Variants in MYO5B observed in about 807,000 individuals in gnomAD.
MYO5B encodes myosin VB.
Under a neutral mutation model 229.3 loss-of-function variants are expected in MYO5B, and 143 were observed. That is an observed-to-expected ratio of 0.62 (90% CI 0.54 to 0.72). The LOEUF (loss-of-function observed/expected upper bound fraction) is 0.72, where lower values mean the gene tolerates loss of function less well. Among genes scored for constraint, MYO5B ranks in the 30% least tolerant of loss-of-function variants. MYO5B has a pLI of 0.00. For synonymous variants in MYO5B, 918 were observed against 885.2 expected, an observed-to-expected ratio of 1.04 and a Z score of -0.66; for missense variants, 2,321 against 2,331.0, an observed-to-expected ratio of 1.00 and a Z score of 0.09.
chr18:50,065,771 G>A (rs879711477), intron 1 of MYO5B, among the ~76,000 whole-genome samples: 1 of 152,154 alleles, frequency 6.6e-6, no homozygotes, highest in Admixed American at 6.5e-5. Context: ...TGTGACAGGG[G>A]ACCCAACCCA....
At chr18:50,108,262 A>G (rs1474813078) in intron 1 of MYO5B, among the ~76,000 whole-genome samples, 2 of 152,176 alleles carry the variant, frequency 1.3e-5, no homozygotes, top group African/African-American at 4.8e-5. Flanking sequence ...TTAACCACCT[A>G]TGTAAGAATC....
intron 39 of MYO5B, among the ~76,000 whole-genome samples, chr18:49,831,184 A>G (rs1190016799): frequency 6.6e-6 from 1 of 152,218 alleles, no homozygotes; most frequent in African/African-American, 2.4e-5. Flanking sequence ...CTAAATCTGC[A>G]AAGCTCTTAG....
intron 1 of MYO5B, among the ~76,000 whole-genome samples, chr18:50,091,272 A>G (rs1171857518): frequency 2.0e-5 from 3 of 152,222 alleles, no homozygotes; most frequent in African/African-American, 7.2e-5. Context: ...CTGCGTATTT[A>G]CTAACATCAA....
At chr18:50,143,142 C>T (rs1555663025) in intron 1 of MYO5B, among the ~76,000 whole-genome samples, 1 of 152,182 alleles carries the variant, frequency 6.6e-6, no homozygotes, top group Non-Finnish European at 1.5e-5. Context: ...ATCAAAGTAA[C>T]TGTATCTAAC....
Position 49,849,757 on chromosome 18 carries a change from C to T in MYO5B, c.4222-97G>A, listed in dbSNP as rs1403578359. On this transcript the variant is annotated intron_variant, in intron 31 of 39. Coordinates refer to ENST00000285039, the MANE Select transcript of MYO5B (RefSeq NM_001080467.3). ...GCAGTTGGAGGTGACCAGTGCGGCC[C>T]ATGGGCAGCCGTCAGAAATGCGCCA... 1.6e-5 allele frequency: 15 copies of T among 947,118 alleles called. No individual in the cohort carries two copies. The Middle Eastern group carries it at 9.4e-4, about 59-fold the overall frequency. 58.7% of individuals were successfully genotyped at this position (947,118 alleles called of 1,614,324 possible). A position where few individuals can be genotyped will look rare whatever the true frequency, so the allele number is the denominator to read the frequency against.
chr18:50,107,010 G>A (rs546466502), intron 1 of MYO5B, among the ~76,000 whole-genome samples: 1 of 151,028 alleles, frequency 6.6e-6, no homozygotes, highest in Non-Finnish European at 1.5e-5. Flanking sequence ...CAGACAATGA[G>A]GATTAGTTAT....
chr18:49,842,788 T>A (rs1424311823), intron 34 of MYO5B, among the ~76,000 whole-genome samples: 3 of 152,168 alleles, frequency 2.0e-5, no homozygotes, highest in Non-Finnish European at 4.4e-5. Context: ...GGTGATGGAA[T>A]GTCACAGCCC....
At chr18:49,873,887 C>T (rs1314111799) in intron 26 of MYO5B, among the ~76,000 whole-genome samples, 1 of 152,222 alleles carries the variant, frequency 6.6e-6, no homozygotes, top group Non-Finnish European at 1.5e-5. Flanking sequence ...GCCTCAGTCA[C>T]TTCCATACTG....
At chr18:49,908,732 T>C (rs1423173290) in intron 18 of MYO5B, among the ~76,000 whole-genome samples, 1 of 152,206 alleles carries the variant, frequency 6.6e-6, no homozygotes, top group African/African-American at 2.4e-5. Context: ...CATCGTTACA[T>C]TAGACTATTA....
rs541147656 is a variant in MYO5B at position 50,020,437 on chromosome 18, A to G, written c.455+16413T>C. ...TGGGAAGAACTCTGCCTTCTTATGG[A>G]TCAAAATTCCACCATCTGAGCTCTG... On this transcript the variant is annotated intron_variant, in intron 4 of 39. Coordinates refer to ENST00000285039, the MANE Select transcript of MYO5B (RefSeq NM_001080467.3). Among the ~76,000 whole-genome samples the G allele has an allele frequency of 3.9e-5, 6 of 152,296 alleles. No homozygotes were observed. The South Asian group carries it at 8.3e-4, about 21-fold the overall frequency.
intron 4 of MYO5B, among the ~76,000 whole-genome samples, chr18:50,009,378 TCAA>T (rs566178216): frequency 2.6e-4 from 40 of 152,118 alleles, no homozygotes; most frequent in Admixed American, 4.6e-4. Flanking sequence ...ACTGTCTCAA[TCAA>T]CAACAACAAC....
At chr18:50,067,217 CTT>C (rs544243410) in intron 1 of MYO5B, among the ~76,000 whole-genome samples, 112 of 152,288 alleles carry the variant, frequency 7.4e-4, no homozygotes, top group South Asian at 2.7e-3. Flanking sequence ...CAATCTAAAA[CTT>C]TGCACAAAAA....
In MYO5B at chr18:49,883,186, T is replaced by C. The variant is rs116879586; in HGVS notation, c.3046-2731A>G. Among the ~76,000 whole-genome samples the C allele has an allele frequency of 4.7e-3, 709 of 152,304 alleles. 4 individuals are homozygous for C. The highest frequency in any genetic ancestry group is 7.0e-3 in the Non-Finnish European group (473 of 68,020). On this transcript the variant is annotated intron_variant, in intron 22 of 39. Transcript: ENST00000285039. ...GTACTGAAGGTTCTAGCCAGGGCAA[T>C]AGGCAAGAAAGATAAAAGCATCCAG... is the stretch of plus-strand genomic sequence containing the variant.
At chr18:49,975,850 C>T (rs192303512) in intron 9 of MYO5B, among the ~76,000 whole-genome samples, 110 of 152,328 alleles carry the variant, frequency 7.2e-4, no homozygotes, top group African/African-American at 2.3e-3. Context: ...CCCCAGCTGC[C>T]TCTACTGACT....
intron 9 of MYO5B, among the ~76,000 whole-genome samples, 164 bp from the exon 10 acceptor site, chr18:49,974,779 T>TCTCACACACACACACACAGACACACACA (rs1555648454): frequency 2.6e-5 from 3 of 117,048 alleles, no homozygotes; most frequent in Admixed American, 9.1e-5. Context: ...GCAGTCTCTC[T>TCTCACACACACACACACAGACACACACA]CACACACACA....
At chr18:50,149,024 T>A (rs1195336008) in intron 1 of MYO5B, among the ~76,000 whole-genome samples, 1 of 150,794 alleles carries the variant, frequency 6.6e-6, no homozygotes, top group Admixed American at 6.6e-5. Context: ...ATCACAAGCA[T>A]TCTTATACAC....
At chr18:49,895,248 A>T (rs2024765293) in intron 21 of MYO5B, 74 bp from the exon 22 acceptor site, 2 of 1,283,932 alleles carry the variant, frequency 1.6e-6, no homozygotes, top group African/African-American at 1.5e-5. Flanking sequence ...CCAGGGAAAA[A>T]GCATGAAGGC....
intron 2 of MYO5B, among the ~76,000 whole-genome samples, chr18:50,051,628 C>T (rs1310475803): frequency 1.3e-5 from 2 of 152,148 alleles, no homozygotes; most frequent in East Asian, 3.9e-4. Context: ...CAGTCTTGTG[C>T]TAAGAGTTGG....
chr18:50,128,562 C>T (rs2032203753), intron 1 of MYO5B, among the ~76,000 whole-genome samples: 1 of 152,190 alleles, frequency 6.6e-6, no homozygotes, highest in Non-Finnish European at 1.5e-5. Context: ...CAGCGCCTAG[C>T]TCAGTGACAG....
Sources: gnomAD v4.1 joint callset for allele counts (sites outside exome capture counted in the v4.1 genomes callset) on GRCh38, gnomAD v4.1.1 for gene constraint, MANE v1.5 for transcripts, NCBI Gene and HGNC (gene_info 2026-07-23, HGNC 2026-07-21) for gene names.